Variants in WDR17 observed in about 807,000 individuals in gnomAD.
WDR17 encodes the protein WD repeat-containing protein 17.
WDR17 carries 143 observed loss-of-function variants against 161.7 expected under a neutral mutation model. The observed-to-expected ratio is 0.88, with a 90% confidence interval of 0.77 to 1.02. The LOEUF is 1.02. WDR17 is among the 50% of genes least tolerant of loss of function. The probability of loss-of-function intolerance (pLI) is 0.00; values close to 1 mark genes in which losing one functional copy is unlikely to be tolerated. For missense variants in WDR17, 1,469 were observed against 1,520.9 expected (o/e 0.97, Z 0.57); for synonymous variants, 517 against 515.6 (o/e 1.00, Z -0.04).
In WDR17 at chr4:176,065,884, C is replaced by G. The variant is rs1300452889; in HGVS notation, c.-202C>G. The G allele has an allele frequency of 6.6e-6, 1 of 152,166 alleles. No homozygotes were observed. 9.4% of individuals were successfully genotyped at this position (152,166 alleles called of 1,614,324 possible). On this transcript the variant is annotated 5_prime_UTR_variant, in exon 1 of 29. Transcript: ENST00000508596. Reference sequence around the variant, plus strand: ...GGGCTCGCGGCGCCTTCCATCGTGGCTCCGCGCTGGGGCTTGCGGAGCACG... The same window carrying G: ...GGGCTCGCGGCGCCTTCCATCGTGGGTCCGCGCTGGGGCTTGCGGAGCACG...
At chr4:176,099,743 C>T (rs894064960) in intron 1 of WDR17, among the ~76,000 whole-genome samples, 1 of 152,118 alleles carries the variant, frequency 6.6e-6, no homozygotes, top group African/African-American at 2.4e-5. Context: ...CCCCCTCCCA[C>T]TCCTTCACAC....
At chr4:176,096,620 C>T (rs559958336) in intron 1 of WDR17, 116 of 1,519,320 alleles carry the variant, frequency 7.6e-5, no homozygotes, top group South Asian at 2.1e-4. Context: ...CGATTTCCTG[C>T]GATTTTTTTT....
chr4:176,176,918 ATTC>A (rs1298943370), intron 26 of WDR17, 137 bp from the exon 27 acceptor site: 5 of 581,628 alleles, frequency 8.6e-6, no homozygotes, highest in Non-Finnish European at 1.2e-5. Flanking sequence ...ACTAGAAAAT[ATTC>A]TATATGTATA....
intron 5 of WDR17, 120 bp downstream of exon 5, chr4:176,125,475 T>G: frequency 8.3e-7 from 1 of 1,205,592 alleles, no homozygotes; most frequent in Non-Finnish European, 1.1e-6. Context: ...CAATTATTAT[T>G]TATTGTAGTA....
chr4:176,077,664 C>T (rs934971223), intron 1 of WDR17, among the ~76,000 whole-genome samples: 20 of 151,876 alleles, frequency 1.3e-4, no homozygotes, highest in Non-Finnish European at 7.4e-5. Flanking sequence ...TTTACTAGCT[C>T]ATGTAACTTA....
chr4:176,125,377 A>G (rs905299895), intron 5 of WDR17, 22 bp downstream of exon 5: 2 of 1,609,092 alleles, frequency 1.2e-6, no homozygotes, highest in African/African-American at 2.7e-5. Context: ...CCCATAACCC[A>G]GAGTTTTAAA....
intron 11 of WDR17, among the ~76,000 whole-genome samples, chr4:176,143,755 G>GT (rs1223034356): frequency 2.0e-5 from 3 of 151,868 alleles, no homozygotes; most frequent in Admixed American, 2.0e-4. Context: ...TAACATTTGG[G>GT]TTTTTTTAGA....
At chr4:176,145,533 T>C (rs1267757223) in intron 11 of WDR17, among the ~76,000 whole-genome samples, 1 of 152,204 alleles carries the variant, frequency 6.6e-6, no homozygotes, top group Admixed American at 6.5e-5. Flanking sequence ...CTGTTGTTTG[T>C]ACCCATGCCA....
chr4:176,068,591 G>A (rs1439572265), intron 1 of WDR17, among the ~76,000 whole-genome samples: 1 of 152,034 alleles, frequency 6.6e-6, no homozygotes, highest in Non-Finnish European at 1.5e-5. Context: ...GACAGAGCAA[G>A]ACAACGTCAA....
At chr4:176,080,435 A>T (rs961542180) in intron 1 of WDR17, among the ~76,000 whole-genome samples, 3 of 151,948 alleles carry the variant, frequency 2.0e-5, no homozygotes, top group Admixed American at 6.6e-5. Flanking sequence ...GAGGAATCAA[A>T]ACAAAAAGAT....
chr4:176,076,213 TAATATATA>T (rs1405162232), intron 1 of WDR17, among the ~76,000 whole-genome samples: 14 of 19,910 alleles, frequency 7.0e-4, no homozygotes, highest in Admixed American at 3.0e-3. Flanking sequence ...TTTACATATA[TAATATATA>T]TATATATATA....
chr4:176,118,284 TTCTC>T (rs1215044977), intron 3 of WDR17, among the ~76,000 whole-genome samples: 2 of 152,172 alleles, frequency 1.3e-5, no homozygotes, highest in Non-Finnish European at 2.9e-5. Context: ...CTTGCTGTCT[TTCTC>T]TAAATATACA....
At chr4:176,068,279 A>G (rs561574551) in intron 1 of WDR17, 1 of 152,178 alleles carries the variant, frequency 6.6e-6, no homozygotes. Flanking sequence ...CAGAGATTTC[A>G]TCGAAATTAT....
chr4:176,075,608 T>A (rs1403222001), intron 1 of WDR17, among the ~76,000 whole-genome samples: 14 of 152,184 alleles, frequency 9.2e-5, no homozygotes, highest in Non-Finnish European at 1.5e-4. Context: ...AGTAATTTTT[T>A]AAGAGGAATA....
chr4:176,093,061 A>G (rs1561085839), intron 1 of WDR17, among the ~76,000 whole-genome samples: 1 of 152,118 alleles, frequency 6.6e-6, no homozygotes, highest in Non-Finnish European at 1.5e-5. Context: ...AAGAAAGAAA[A>G]GAAAAGAAAT....
chr4:176,068,823 C>T (rs138788644), intron 1 of WDR17, among the ~76,000 whole-genome samples: 2 of 152,134 alleles, frequency 1.3e-5, no homozygotes, highest in East Asian at 3.9e-4. Flanking sequence ...AAATTAGATA[C>T]GGATACCTGA....
At chr4:176,103,908 T>G (rs1453730326) in intron 1 of WDR17, among the ~76,000 whole-genome samples, 2 of 151,966 alleles carry the variant, frequency 1.3e-5, no homozygotes, top group African/African-American at 4.8e-5. Flanking sequence ...TGAAGTAAAT[T>G]TCCAAGAGTT....
chr4:176,161,020 T>TC lies in WDR17; in HGVS notation c.2750+19dup. ...TTTAATGAGTGAGTGATTTATTTGC[T>TC]CTGGGTCCATATGTTTTATGGTTGT... On this transcript the variant is annotated intron_variant, in intron 20 of 28. Coordinates refer to ENST00000508596, the MANE Select transcript of WDR17 (RefSeq NM_181265.4). The TC allele has an allele frequency of 6.3e-7, 1 of 1,589,518 alleles. No homozygotes were observed.
intron 3 of WDR17, among the ~76,000 whole-genome samples, chr4:176,116,351 G>A (rs1740635049): frequency 6.6e-6 from 1 of 151,762 alleles, no homozygotes; most frequent in Non-Finnish European, 1.5e-5. Flanking sequence ...AAATTACAAA[G>A]AAAGTATTAT....
Sources: gnomAD v4.1 joint callset for allele counts (sites outside exome capture counted in the v4.1 genomes callset) on GRCh38, gnomAD v4.1.1 for gene constraint, MANE v1.5 for transcripts, NCBI Gene and HGNC (gene_info 2026-07-23, HGNC 2026-07-21) for gene names.